CDH13: variants seen among roughly 807,000 people sequenced by gnomAD.
CDH13 encodes cadherin-13.
In CDH13, 24 loss-of-function variants were observed where a neutral mutation model predicts 63.8. The observed-to-expected ratio is 0.38, with a 90% CI of 0.27 to 0.53. CDH13 has a LOEUF of 0.53. CDH13 is among the 20% of genes least tolerant of loss of function. CDH13 has a pLI of 0.85. For missense variants in CDH13, 1,049 were observed against 903.1 expected (o/e 1.16, Z -2.07); for synonymous variants, 503 against 355.3 (o/e 1.42, Z -4.67).
At chr16:82,887,126 C>G (rs762238031) in intron 2 of CDH13, among the ~76,000 whole-genome samples, 8 of 152,138 alleles carry the variant, frequency 5.3e-5, no homozygotes, top group Non-Finnish European at 1.0e-4. Flanking sequence ...AGGGAGGAAA[C>G]CACTTTCGAA....
chr16:83,115,109 A>C (rs2035232952), intron 3 of CDH13, among the ~76,000 whole-genome samples: 1 of 152,224 alleles, frequency 6.6e-6, no homozygotes, highest in Non-Finnish European at 1.5e-5. Flanking sequence ...CTCTCCAGCC[A>C]AGCACAGACC....
intron 5 of CDH13, among the ~76,000 whole-genome samples, chr16:83,248,773 A>G (rs1437550284): frequency 6.6e-6 from 1 of 151,946 alleles, no homozygotes; most frequent in African/African-American, 2.4e-5. Flanking sequence ...AATCTTAACC[A>G]CACCCGTAGC....
chr16:83,124,559 A>C (rs1045022020), intron 3 of CDH13, among the ~76,000 whole-genome samples: 3 of 143,032 alleles, frequency 2.1e-5, no homozygotes, highest in Non-Finnish European at 4.5e-5. Context: ...TTTGCTTTTG[A>C]GGACTAGGCC....
intron 4 of CDH13, among the ~76,000 whole-genome samples, chr16:83,181,407 G>A (rs1363140028): frequency 2.0e-5 from 3 of 152,114 alleles, no homozygotes; most frequent in African/African-American, 7.2e-5. Context: ...AGGTGCCCAG[G>A]TGCCCCATAA....
chr16:83,646,712 A>AAACACACAC (rs1168012793), intron 8 of CDH13, among the ~76,000 whole-genome samples: 19 of 80,524 alleles, frequency 2.4e-4, no homozygotes, highest in Admixed American at 5.0e-4. Context: ...AAAAAAAAAA[A>AAACACACAC]ACACACACAC....
intron 1 of CDH13, among the ~76,000 whole-genome samples, chr16:82,842,480 A>C (rs1037179192): frequency 1.3e-5 from 2 of 152,050 alleles, no homozygotes; most frequent in African/African-American, 4.8e-5. Context: ...AAAATCAGCT[A>C]AATGGGAGTT....
At chr16:83,596,363 C>T (rs1190911731) in intron 7 of CDH13, among the ~76,000 whole-genome samples, 1 of 152,214 alleles carries the variant, frequency 6.6e-6, no homozygotes, top group Non-Finnish European at 1.5e-5. Context: ...GTTTTCCTGA[C>T]TCTCAGTCCC....
chr16:83,485,736 A>T (rs74032581), intron 6 of CDH13, among the ~76,000 whole-genome samples: 10,865 of 152,110 alleles, frequency 0.071, 476 homozygotes, highest in African/African-American at 0.12. Context: ...TGTTTGTTAT[A>T]TATTTATCTC....
At chr16:83,539,263 C>A (rs1262225138) in intron 7 of CDH13, among the ~76,000 whole-genome samples, 1 of 152,120 alleles carries the variant, frequency 6.6e-6, no homozygotes, top group East Asian at 1.9e-4. Context: ...AAGGAACATG[C>A]AACCTAGATC....
At chr16:82,643,448 G>T (rs1909670158) in intron 1 of CDH13, among the ~76,000 whole-genome samples, 1 of 152,180 alleles carries the variant, frequency 6.6e-6, no homozygotes, top group African/African-American at 2.4e-5. Flanking sequence ...GAAACTTGGG[G>T]CTGGCAAGTG....
chr16:83,667,811 C>A (rs1333987999), intron 8 of CDH13, among the ~76,000 whole-genome samples: 1 of 152,000 alleles, frequency 6.6e-6, no homozygotes, highest in Admixed American at 6.6e-5. Context: ...GCACGTGCCA[C>A]CACACCTGGC....
At chr16:83,366,442 A>G (rs962218643) in intron 6 of CDH13, among the ~76,000 whole-genome samples, 1 of 152,112 alleles carries the variant, frequency 6.6e-6, no homozygotes, top group Non-Finnish European at 1.5e-5. Flanking sequence ...TCCCCAGCCC[A>G]CTCAGCTTTC....
intron 13 of CDH13, among the ~76,000 whole-genome samples, chr16:83,788,817 T>G (rs573720987): frequency 2.8e-4 from 42 of 152,314 alleles, no homozygotes; most frequent in Non-Finnish European, 4.3e-4. Flanking sequence ...GGCACCTGTG[T>G]GTAAAGTCGA....
intron 6 of CDH13, among the ~76,000 whole-genome samples, chr16:83,369,290 T>C (rs974137500): frequency 3.6e-4 from 54 of 151,962 alleles, no homozygotes; most frequent in African/African-American, 1.3e-3. Context: ...AGTATATCTC[T>C]CCAACAAACA....
chr16:83,272,242 C>T (rs949859469), intron 5 of CDH13, among the ~76,000 whole-genome samples: 5 of 152,184 alleles, frequency 3.3e-5, no homozygotes, highest in African/African-American at 9.7e-5. Flanking sequence ...TGTGCAAGTG[C>T]ATGATCCAGT....
intron 5 of CDH13, among the ~76,000 whole-genome samples, chr16:83,273,039 C>A (rs1224590857): frequency 6.6e-6 from 1 of 152,142 alleles, no homozygotes; most frequent in Non-Finnish European, 1.5e-5. Context: ...ACACAACAGG[C>A]TTTTGTTTCG....
intron 1 of CDH13, among the ~76,000 whole-genome samples, chr16:82,828,038 G>A (rs1038263823): frequency 6.6e-6 from 1 of 152,162 alleles, no homozygotes; most frequent in Non-Finnish European, 1.5e-5. Flanking sequence ...AACAGAGACA[G>A]TTGGTCATCC....
chr16:83,142,515 G>A (rs77789455), intron 4 of CDH13, among the ~76,000 whole-genome samples: 1 of 152,234 alleles, frequency 6.6e-6, no homozygotes, highest in African/African-American at 2.4e-5. Context: ...GAGGTTGAAC[G>A]TTACCTCCTC....
chr16:82,648,924 C>T (rs931694305), intron 1 of CDH13, among the ~76,000 whole-genome samples: 1 of 152,090 alleles, frequency 6.6e-6, no homozygotes, highest in Non-Finnish European at 1.5e-5. Flanking sequence ...AGCTTGAAAG[C>T]TTGTATGAGT....
Sources: gnomAD v4.1 joint callset for allele counts (sites outside exome capture counted in the v4.1 genomes callset) on GRCh38, gnomAD v4.1.1 for gene constraint, MANE v1.5 for transcripts, NCBI Gene and HGNC (gene_info 2026-07-23, HGNC 2026-07-21) for gene names.